The following SAMM50 variants were observed in gnomAD, a reference collection of about 807,000 sequenced individuals.
SAMM50 encodes the protein sorting and assembly machinery component 50 homolog.
In SAMM50, 47 loss-of-function variants were observed where a neutral mutation model predicts 66.9. The observed-to-expected ratio is 0.70, with a 90% CI of 0.56 to 0.90. The LOEUF is 0.90. SAMM50 is among the 40% of genes least tolerant of loss of function. The probability of loss-of-function intolerance (pLI) is 0.00; values close to 1 mark genes in which losing one functional copy is unlikely to be tolerated. For synonymous variants in SAMM50, 191 were observed against 214.1 expected (o/e 0.89, Z 0.94); for missense variants, 535 against 595.3 (o/e 0.90, Z 1.05).
intron 3 of SAMM50, among the ~76,000 whole-genome samples, chr22:43,965,317 C>T (rs912856202): frequency 4.6e-5 from 7 of 152,042 alleles, no homozygotes; most frequent in African/African-American, 1.7e-4. Flanking sequence ...AGGATTCTCA[C>T]ACCTCAGCCT....
chr22:43,994,457 G>A lies in SAMM50; in HGVS notation c.1365-1881G>A, dbSNP rs558285838. Among the ~76,000 whole-genome samples, 8 of 152,304 alleles carry A rather than the reference G, an allele frequency of 5.3e-5. No individual in the cohort carries two copies. The South Asian group carries it at 6.2e-4, about 12-fold the overall frequency. On this transcript the variant is annotated intron_variant, in intron 14 of 14. Transcript: ENST00000350028. ...AGAGCCAGGTGGAGAGGCTCCTGGC[G>A]TGTGGTGGGAGGTGGGGTGCAAGGC... is the stretch of plus-strand genomic sequence containing the variant.
chr22:43,974,294 G>A (rs1264668918), intron 7 of SAMM50, among the ~76,000 whole-genome samples: 3 of 152,266 alleles, frequency 2.0e-5, no homozygotes, highest in South Asian at 2.1e-4. Context: ...AGCCCTGGAG[G>A]CGACCACCTG....
chr22:43,992,179 ACTCT>A (rs1264626784), intron 14 of SAMM50, among the ~76,000 whole-genome samples: 1 of 151,908 alleles, frequency 6.6e-6, no homozygotes, highest in Non-Finnish European at 1.5e-5. Flanking sequence ...TATCATTTTT[ACTCT>A]CTCCGTCTTC....
intron 14 of SAMM50, chr22:43,996,093 G>T: frequency 1.6e-6 from 1 of 627,842 alleles, no homozygotes; most frequent in East Asian, 2.7e-5. Flanking sequence ...AGTGCAGGAG[G>T]ATTTGGGTCT....
At chr22:43,992,299 T>C (rs2050328995) in intron 14 of SAMM50, among the ~76,000 whole-genome samples, 1 of 152,252 alleles carries the variant, frequency 6.6e-6, no homozygotes, top group Admixed American at 6.5e-5. Context: ...TCAGGTCCTT[T>C]ACGGTTATTG....
intron 4 of SAMM50, among the ~76,000 whole-genome samples, chr22:43,971,204 A>G (rs1181296114): frequency 6.6e-6 from 1 of 152,208 alleles, no homozygotes; most frequent in Non-Finnish European, 1.5e-5. Context: ...GCTCCACCCT[A>G]GAACTGTTGG....
At chr22:43,972,102 A>T in intron 4 of SAMM50, 134 bp from the exon 5 acceptor site, 1 of 555,056 alleles carries the variant, frequency 1.8e-6, no homozygotes, top group Non-Finnish European at 3.2e-6. Context: ...AACGTTTCTC[A>T]TGATTATATT....
In SAMM50 at chr22:43,984,044, T is replaced by A. The variant is rs1357049683; in HGVS notation, c.1075+44T>A. On this transcript the variant is annotated intron_variant, in intron 12 of 14. Transcript: ENST00000350028. ...CGGCGCCAAGTCTAGAAGGCTCGCGTCTCACTTTGGAAACCATGTACCTGT... is the reference window on the plus strand; with the variant it reads ...CGGCGCCAAGTCTAGAAGGCTCGCGACTCACTTTGGAAACCATGTACCTGT... 4 of 1,554,068 alleles carry A rather than the reference T, an allele frequency of 2.6e-6. No homozygotes were observed. The Admixed American group carries it at 7.2e-5, about 28-fold the overall frequency.
chr22:43,996,136 T>G (rs2050352713), intron 14 of SAMM50: 3 of 685,034 alleles, frequency 4.4e-6, no homozygotes, highest in Non-Finnish European at 7.9e-6. Context: ...CTCCGAGGGC[T>G]TAACCAGCTG....
At chr22:43,979,982 T>C (rs1182768375) in intron 10 of SAMM50, among the ~76,000 whole-genome samples, 1 of 149,092 alleles carries the variant, frequency 6.7e-6, no homozygotes, top group Non-Finnish European at 1.5e-5. Flanking sequence ...ACCTCCTAGA[T>C]GGAAGTGGGG....
intron 9 of SAMM50, among the ~76,000 whole-genome samples, chr22:43,977,292 AGG>A: frequency 6.6e-6 from 1 of 152,268 alleles, no homozygotes; most frequent in South Asian, 2.1e-4. Flanking sequence ...TGTTGGAGGC[AGG>A]GGGATAGTTC....
At chr22:43,973,367 AG>A (rs1569029127) in intron 7 of SAMM50, 44 bp downstream of exon 7, 6 of 1,240,956 alleles carry the variant, frequency 4.8e-6, no homozygotes, top group Non-Finnish European at 7.1e-6. Context: ...GGGGGAAAAC[AG>A]GGTGGCTTTT....
chr22:43,976,483 G>A (rs934308531), intron 8 of SAMM50, among the ~76,000 whole-genome samples: 1 of 152,242 alleles, frequency 6.6e-6, no homozygotes, highest in Non-Finnish European at 1.5e-5. Flanking sequence ...CTCCTTGAGA[G>A]AACGAACCCG....
chr22:43,996,284 A>C (rs1351077275), intron 14 of SAMM50, 54 bp from the exon 15 acceptor site: 1 of 1,593,382 alleles, frequency 6.3e-7, no homozygotes, highest in Non-Finnish European at 8.6e-7. Context: ...TGAGTCGTGA[A>C]GATGGCAGGG....
chr22:43,980,584 C>G (rs1432729346), intron 10 of SAMM50, among the ~76,000 whole-genome samples: 2 of 151,962 alleles, frequency 1.3e-5, no homozygotes, highest in Non-Finnish European at 2.9e-5. Context: ...TGCTTCCACT[C>G]TACATGAGAG....
At chr22:43,979,312 G>A (rs143226607) in intron 10 of SAMM50, among the ~76,000 whole-genome samples, 1 of 152,316 alleles carries the variant, frequency 6.6e-6, no homozygotes, top group African/African-American at 2.4e-5. Context: ...GCTCCTGGCT[G>A]TCTCAGCCCC....
In SAMM50 at chr22:43,972,222, AT is replaced by A; in HGVS notation, c.323-7del. The A allele has an allele frequency of 2.0e-6, 3 of 1,506,442 alleles. No homozygotes were observed. Among genetic ancestry groups the A allele is most frequent in the Non-Finnish European group, 1.8e-6 (2 of 1,112,004 alleles). The allele number at this position is 1,506,442 out of a possible 1,614,324, so 93.3% of individuals were successfully genotyped here. A position where few individuals can be genotyped will look rare whatever the true frequency, so the allele number is the denominator to read the frequency against. ...CATCCTGGCTGTCTTATTGTTTAAT[AT>A]TTTTTTATTTAGGTGATGACGCACT... On this transcript the variant is annotated splice_polypyrimidine_tract_variant and intron_variant, in intron 4 of 14. Coordinates refer to ENST00000350028, the MANE Select transcript of SAMM50 (RefSeq NM_015380.5).
Position 43,972,227 on chromosome 22 carries a change from T to C in SAMM50, c.323-9T>C. 6.5e-7 allele frequency: 1 copy of C among 1,529,104 alleles called. No individual in the cohort carries two copies. Among genetic ancestry groups the C allele is most frequent in the Non-Finnish European group, 8.8e-7 (1 of 1,131,626 alleles). 94.7% of individuals were successfully genotyped at this position (1,529,104 alleles called of 1,614,324 possible). ...TGGCTGTCTTATTGTTTAATATTTT[T>C]TTATTTAGGTGATGACGCACTTCCA... On this transcript the variant is annotated splice_polypyrimidine_tract_variant and intron_variant, in intron 4 of 14. Coordinates refer to ENST00000350028, the MANE Select transcript of SAMM50 (RefSeq NM_015380.5).
At chr22:43,990,148 C>T in intron 13 of SAMM50, 117 bp from the exon 14 acceptor site, 2 of 1,209,154 alleles carry the variant, frequency 1.7e-6, no homozygotes, top group Non-Finnish European at 2.3e-6. Flanking sequence ...ATCTCTAGGC[C>T]TGGCTTTAAA....
Sources: allele counts gnomAD v4.1 joint callset (sites outside exome capture counted in the v4.1 genomes callset), GRCh38; gene constraint gnomAD v4.1.1; transcripts MANE v1.5; gene names NCBI Gene and HGNC (gene_info 2026-07-23, HGNC 2026-07-21).